KATNAL2: variants seen among roughly 807,000 people sequenced by gnomAD.
The protein encoded by KATNAL2 is katanin catalytic subunit A1 like 2, also known as katanin p60 ATPase-containing subunit A-like 2.
In KATNAL2, 52 loss-of-function variants were observed where a neutral mutation model predicts 76.3. The observed-to-expected ratio is 0.68, with a 90% CI of 0.55 to 0.86. The LOEUF is 0.86. Ranked by LOEUF, KATNAL2 falls within the 40% of genes least tolerant of loss-of-function variation. KATNAL2 has a pLI of 0.00. For synonymous variants in KATNAL2, 243 were observed against 244.2 expected, an observed-to-expected ratio of 1.00 and a Z score of 0.05; for missense variants, 660 against 668.9, an observed-to-expected ratio of 0.99 and a Z score of 0.15.
chr18:47,041,457 A>G (rs1019490114), intron 3 of KATNAL2, among the ~76,000 whole-genome samples: 12 of 152,138 alleles, frequency 7.9e-5, no homozygotes, highest in African/African-American at 2.9e-4. Flanking sequence ...CATACAGTAT[A>G]TAGGCTTTTC....
At chr18:47,053,112 T>C in intron 5 of KATNAL2, 66 bp downstream of exon 5, 1 of 1,355,682 alleles carries the variant, frequency 7.4e-7, no homozygotes, top group South Asian at 1.4e-5. Context: ...CTTTCTCATC[T>C]TATTCCCAGA....
At chr18:46,917,987 C>T (rs989439679) in intron 1 of KATNAL2, 61 bp downstream of exon 1, 1 of 152,162 alleles carries the variant, frequency 6.6e-6, no homozygotes, top group Non-Finnish European at 1.5e-5. Context: ...TTGCTAATGT[C>T]CTGCAAGTAC....
At chr18:47,076,387 G>GTT (rs1338954445) in intron 14 of KATNAL2, 1 of 152,152 alleles carries the variant, frequency 6.6e-6, no homozygotes, top group African/African-American at 2.4e-5. Flanking sequence ...TTCTATACCA[G>GTT]GCCTGATAGA....
chr18:46,946,971 T>G, intron 3 of KATNAL2, 48 bp downstream of exon 3: 4 of 1,219,948 alleles, frequency 3.3e-6, no homozygotes, highest in Non-Finnish European at 4.7e-6. Context: ...ACCCCTCTCC[T>G]ACTGTTGCTG....
intron 13 of KATNAL2, 28 bp downstream of exon 13, chr18:47,069,628 A>T: frequency 6.7e-7 from 1 of 1,500,408 alleles, no homozygotes; most frequent in Non-Finnish European, 9.3e-7. Flanking sequence ...TGTTTTTAAA[A>T]ATAAGTTCTA....
chr18:46,930,152 T>C (rs2058861395), intron 1 of KATNAL2, among the ~76,000 whole-genome samples: 1 of 152,226 alleles, frequency 6.6e-6, no homozygotes, highest in South Asian at 2.1e-4. Flanking sequence ...TAATAACTTT[T>C]CAATGATCAA....
At position 47,077,335 on chromosome 18, in the gene KATNAL2, T is replaced by A; in HGVS notation, c.1101-16T>A. On this transcript the variant is annotated splice_polypyrimidine_tract_variant and intron_variant, in intron 14 of 17. Coordinates refer to ENST00000683218, the MANE Select transcript of KATNAL2 (RefSeq NM_001387690.1). ...GGCTCTGACACTTAGGAGAATCACG[T>A]CTTGTCTCTCTGTAGGGGAGAACAT... 1.3e-6 allele frequency: 2 copies of A among 1,592,352 alleles called. No homozygotes were observed. The highest frequency in any genetic ancestry group is 2.7e-5 in the African/African-American group (2 of 74,586).
In KATNAL2 at chr18:47,078,520, T is replaced by C. The variant is rs1025329437; in HGVS notation, c.1211+1059T>C. ...GTGGAGTCCAAACAGAGAACCGTCATTGAAATGTGATTGTGGAAACTTTTA... is the reference window on the plus strand; with the variant it reads ...GTGGAGTCCAAACAGAGAACCGTCACTGAAATGTGATTGTGGAAACTTTTA... On this transcript the variant is annotated intron_variant, in intron 15 of 17. Transcript: ENST00000683218. Among the ~76,000 whole-genome samples the C allele has an allele frequency of 5.3e-5, 8 of 152,178 alleles. No homozygotes were observed. In the East Asian group the frequency reaches 7.7e-4, roughly 15 times the overall value.
At position 47,060,261 on chromosome 18, in the gene KATNAL2, C is replaced by T. The variant is rs572802114; in HGVS notation, c.549+607C>T. Among the ~76,000 whole-genome samples the T allele has an allele frequency of 3.9e-4, 59 of 152,220 alleles. 1 individual carries two copies. The South Asian group carries it at 5.6e-3, about 14-fold the overall frequency. On this transcript the variant is annotated intron_variant, in intron 8 of 17. Transcript: ENST00000683218. ...ATCCTCCTGTCTGGGCTTCCCAAAG[C>T]GCTAGGACATCTGCGTTATTTAGTG...
chr18:46,958,392 A>T (rs1207517091), intron 3 of KATNAL2, among the ~76,000 whole-genome samples: 3 of 152,180 alleles, frequency 2.0e-5, no homozygotes, highest in African/African-American at 7.2e-5. Flanking sequence ...AGTAAATAAT[A>T]AATAATCTAG....
At chr18:47,048,642 T>C (rs549914450) in intron 4 of KATNAL2, among the ~76,000 whole-genome samples, 1 of 152,032 alleles carries the variant, frequency 6.6e-6, no homozygotes, top group Non-Finnish European at 1.5e-5. Flanking sequence ...ATTCCTGAAA[T>C]TGACAAGCCA....
At chr18:46,922,094 TTCC>T (rs1345301604) in intron 1 of KATNAL2, among the ~76,000 whole-genome samples, 1 of 151,476 alleles carries the variant, frequency 6.6e-6, no homozygotes, top group African/African-American at 2.4e-5. Context: ...AAAAAAATTT[TTCC>T]TCACTTTTTT....
At chr18:46,943,573 A>G (rs1297933615) in intron 1 of KATNAL2, among the ~76,000 whole-genome samples, 1 of 152,224 alleles carries the variant, frequency 6.6e-6, no homozygotes, top group East Asian at 1.9e-4. Context: ...TATGGTCTAA[A>G]AAGGGGAGGC....
rs143700562 is a variant in KATNAL2 at position 47,082,188 on chromosome 18, T to G, written c.1211+4727T>G. Among the ~76,000 whole-genome samples, 4 of 152,296 alleles carry G rather than the reference T, an allele frequency of 2.6e-5. No individual in the cohort carries two copies. In the East Asian group the frequency reaches 7.7e-4, roughly 29 times the overall value. On this transcript the variant is annotated intron_variant, in intron 15 of 17. Coordinates refer to ENST00000683218, the MANE Select transcript of KATNAL2 (RefSeq NM_001387690.1). ...CCTAACTAAGATGAAAGAGCTAATG[T>G]GGGATTTCTCAACCTCAGAGCTACT...
At chr18:46,948,266 A>T (rs2059439848) in intron 3 of KATNAL2, among the ~76,000 whole-genome samples, 1 of 151,674 alleles carries the variant, frequency 6.6e-6, no homozygotes, top group African/African-American at 2.4e-5. Flanking sequence ...ATGCGCCACC[A>T]TGCCCAGCTA....
In KATNAL2 at chr18:47,082,471, C is replaced by A. The variant is rs559598385; in HGVS notation, c.1211+5010C>A. 3.9e-5 allele frequency among the ~76,000 whole-genome samples: 6 copies of A among 152,286 alleles called. No homozygotes were observed. In the South Asian group the frequency reaches 1.2e-3, roughly 32 times the overall value. ...AGCTGACACATATTCCACAGCTAAA[C>A]TCACAATGTTTATTAAAAAAATAAA... On this transcript the variant is annotated intron_variant, in intron 15 of 17. Coordinates refer to ENST00000683218, the MANE Select transcript of KATNAL2 (RefSeq NM_001387690.1).
At chr18:46,943,257 A>G (rs1970668) in intron 1 of KATNAL2, among the ~76,000 whole-genome samples, 68,864 of 151,904 alleles carry the variant, frequency 0.45, 15,690 homozygotes, top group Middle Eastern at 0.54. Flanking sequence ...TTTTCCAGTA[A>G]TTTTGTCAGG....
intron 2 of KATNAL2, 46 bp from the exon 3 acceptor site, chr18:46,946,808 A>C (rs1192852261): frequency 6.7e-7 from 1 of 1,490,528 alleles, no homozygotes; most frequent in Non-Finnish European, 9.0e-7. Flanking sequence ...GGTTCCTTGG[A>C]TCGACCGGTC....
intron 13 of KATNAL2, among the ~76,000 whole-genome samples, chr18:47,072,077 C>T (rs1257068798): frequency 7.0e-6 from 1 of 143,644 alleles, no homozygotes; most frequent in African/African-American, 2.6e-5. Context: ...TCTCCTGCCT[C>T]AGCTTCCTGA....
Sources: gnomAD v4.1 joint callset for allele counts (sites outside exome capture counted in the v4.1 genomes callset) on GRCh38, gnomAD v4.1.1 for gene constraint, MANE v1.5 for transcripts, NCBI Gene and HGNC (gene_info 2026-07-23, HGNC 2026-07-21) for gene names.